PXDNL: variants seen among roughly 807,000 people sequenced by gnomAD.
The protein encoded by PXDNL is peroxidasin like.
PXDNL carries 145 observed loss-of-function variants against 150.8 expected under a neutral mutation model. The ratio of observed to expected loss-of-function variants is 0.96; its 90% confidence interval spans 0.84 to 1.10. The LOEUF is 1.10. Among genes scored for constraint, PXDNL ranks in the 50% least tolerant of loss-of-function variants. PXDNL has a pLI of 0.00. For missense variants in PXDNL, 2,087 were observed against 1,873.9 expected, an observed-to-expected ratio of 1.11 and a Z score of -2.10; for synonymous variants, 757 against 725.7, an observed-to-expected ratio of 1.04 and a Z score of -0.69.
chr8:51,439,474 G>A (rs1294846873), intron 12 of PXDNL, among the ~76,000 whole-genome samples: 1 of 152,164 alleles, frequency 6.6e-6, no homozygotes, highest in Non-Finnish European at 1.5e-5. Context: ...TACACTGCTG[G>A]TGGGAATGTA....
chr8:51,603,053 TGATA>T (rs1411847415), intron 2 of PXDNL, among the ~76,000 whole-genome samples: 2 of 151,872 alleles, frequency 1.3e-5, no homozygotes, highest in Non-Finnish European at 2.9e-5. Context: ...TACTATTGAT[TGATA>T]TATTTATAGT....
chr8:51,573,455 T>C (rs147430760), intron 3 of PXDNL, among the ~76,000 whole-genome samples: 5 of 152,080 alleles, frequency 3.3e-5, no homozygotes, highest in Non-Finnish European at 5.9e-5. Context: ...TTAACTAATA[T>C]GAAGCAGTGA....
At chr8:51,760,951 C>A (rs1264128157) in intron 1 of PXDNL, among the ~76,000 whole-genome samples, 1 of 143,244 alleles carries the variant, frequency 7.0e-6, no homozygotes, top group Admixed American at 7.3e-5. Flanking sequence ...CTCCGCCTCC[C>A]GGGTTCACGC....
intron 12 of PXDNL, among the ~76,000 whole-genome samples, chr8:51,434,911 T>C (rs971205307): frequency 1.3e-5 from 2 of 152,220 alleles, no homozygotes; most frequent in African/African-American, 4.8e-5. Flanking sequence ...CTTAAGGATA[T>C]ATAATGATTG....
intron 1 of PXDNL, among the ~76,000 whole-genome samples, chr8:51,797,022 T>C (rs2037568790): frequency 6.6e-6 from 1 of 152,128 alleles, no homozygotes; most frequent in Non-Finnish European, 1.5e-5. Context: ...GGTCAACATA[T>C]GCAAATTAGT....
At chr8:51,367,566 G>A (rs1051217455) in intron 19 of PXDNL, among the ~76,000 whole-genome samples, 3 of 151,940 alleles carry the variant, frequency 2.0e-5, no homozygotes, top group African/African-American at 7.3e-5. Context: ...CTTTACTTTG[G>A]GAATTCTATA....
chr8:51,592,555 T>G (rs1030045304), intron 3 of PXDNL, 72 bp downstream of exon 3: 7 of 900,576 alleles, frequency 7.8e-6, no homozygotes, highest in Non-Finnish European at 1.2e-5. Flanking sequence ...TAATTTAAAG[T>G]AAACACACAC....
intron 21 of PXDNL, among the ~76,000 whole-genome samples, chr8:51,323,949 A>T (rs144384325): frequency 0.04 from 4,983 of 126,122 alleles, 181 homozygotes; most frequent in East Asian, 0.2. Context: ...ATAAAAAAAT[A>T]AAAAAAAAAA....
chr8:51,518,567 C>T (rs1380522245), intron 4 of PXDNL, among the ~76,000 whole-genome samples: 1 of 152,218 alleles, frequency 6.6e-6, no homozygotes, highest in East Asian at 1.9e-4. Flanking sequence ...GAAACTCTTA[C>T]AGAGGCAGGA....
chr8:51,326,171 C>T (rs530425173), intron 21 of PXDNL, among the ~76,000 whole-genome samples: 7 of 152,266 alleles, frequency 4.6e-5, no homozygotes, highest in African/African-American at 1.4e-4. Flanking sequence ...TTGTTTTAAA[C>T]GTGATATCCA....
intron 8 of PXDNL, among the ~76,000 whole-genome samples, chr8:51,464,379 C>A (rs1471871865): frequency 1.3e-3 from 2 of 1,564 alleles, no homozygotes; most frequent in Non-Finnish European, 4.8e-3. Context: ...CAGAGCAGAA[C>A]TACATGAAAC....
At chr8:51,361,072 T>C (rs2915490) in intron 19 of PXDNL, among the ~76,000 whole-genome samples, 106,673 of 152,216 alleles carry the variant, frequency 0.7, 39,074 homozygotes, top group East Asian at 0.99. Context: ...CCAGGCCCAC[T>C]GTGGCCACTG....
chr8:51,353,087 A>C (rs1806401791), intron 19 of PXDNL, among the ~76,000 whole-genome samples: 1 of 151,956 alleles, frequency 6.6e-6, no homozygotes, highest in African/African-American at 2.4e-5. Flanking sequence ...TCTAATTTTC[A>C]ATTTCATTTT....
intron 4 of PXDNL, among the ~76,000 whole-genome samples, chr8:51,530,575 G>T (rs75750517): frequency 0.082 from 12,439 of 152,162 alleles, 835 homozygotes; most frequent in East Asian, 0.23. Flanking sequence ...TGCTGCTCAG[G>T]TGTCTCTGCG....
chr8:51,710,482 T>G (rs1427186103), intron 1 of PXDNL, among the ~76,000 whole-genome samples: 1 of 152,206 alleles, frequency 6.6e-6, no homozygotes, highest in East Asian at 1.9e-4. Context: ...ATAGCAATTT[T>G]CAAATATACA....
chr8:51,439,700 C>G (rs1809493673), intron 12 of PXDNL, among the ~76,000 whole-genome samples: 1 of 151,762 alleles, frequency 6.6e-6, no homozygotes, highest in Admixed American at 6.6e-5. Flanking sequence ...TAACACACAC[C>G]TGTAATCCCA....
chr8:51,453,482 GGAGGAACATTTC>G (rs1272139681), intron 10 of PXDNL, 25 bp downstream of exon 10: 21 of 1,598,680 alleles, frequency 1.3e-5, no homozygotes, highest in Non-Finnish European at 1.8e-5. Flanking sequence ...GAGTGTGGCA[GGAGGAACATTTC>G]AATCATGACC....
chr8:51,706,203 C>T (rs1315439438), intron 1 of PXDNL, among the ~76,000 whole-genome samples: 3 of 151,868 alleles, frequency 2.0e-5, no homozygotes, highest in Admixed American at 6.6e-5. Context: ...CCCAGTTACT[C>T]GGGAGACTGA....
intron 17 of PXDNL, among the ~76,000 whole-genome samples, chr8:51,378,384 T>C (rs899887811): frequency 4.6e-5 from 7 of 152,240 alleles, no homozygotes; most frequent in Non-Finnish European, 8.8e-5. Context: ...GTCTAGCTAA[T>C]CTAGTGAGGA....
Sources: allele counts gnomAD v4.1 joint callset (sites outside exome capture counted in the v4.1 genomes callset), GRCh38; gene constraint gnomAD v4.1.1; transcripts MANE v1.5; gene names NCBI Gene and HGNC (gene_info 2026-07-23, HGNC 2026-07-21).